Variants in PLCE1 observed in about 807,000 individuals in gnomAD.
PLCE1 encodes 1-phosphatidylinositol 4,5-bisphosphate phosphodiesterase epsilon-1.
Under a neutral mutation model 242.8 loss-of-function variants are expected in PLCE1, and 119 were observed. The observed-to-expected ratio is 0.49, with a 90% CI of 0.42 to 0.57. PLCE1 has a LOEUF of 0.57. Ranked by LOEUF, PLCE1 falls within the 20% of genes least tolerant of loss-of-function variation. The probability of loss-of-function intolerance (pLI) is 0.00; values close to 1 mark genes in which losing one functional copy is unlikely to be tolerated. For missense variants in PLCE1, 2,441 were observed against 2,788.8 expected (o/e 0.88, Z 2.81); for synonymous variants, 945 against 1,017.4 (o/e 0.93, Z 1.35).
intron 4 of PLCE1, among the ~76,000 whole-genome samples, chr10:94,225,622 T>G (rs2049913019): frequency 6.6e-6 from 1 of 152,106 alleles, no homozygotes; most frequent in Non-Finnish European, 1.5e-5. Flanking sequence ...CGAAGCAAGA[T>G]TCTGTCTAAA....
chr10:94,030,370 T>A (rs1173822419), intron 1 of PLCE1, among the ~76,000 whole-genome samples: 4 of 152,092 alleles, frequency 2.6e-5, no homozygotes, highest in Non-Finnish European at 5.9e-5. Context: ...CACTTCTTTT[T>A]TTTTTCTTCT....
rs967009961 is a variant in PLCE1 at position 94,298,300 on chromosome 10, G to A, written c.5168-79G>A. The A allele has an allele frequency of 1.3e-5, 16 of 1,278,382 alleles. No homozygotes were observed. The Admixed American group carries it at 1.4e-4, about 11-fold the overall frequency. The allele number at this position is 1,278,382 out of a possible 1,614,324, so 79.2% of individuals were successfully genotyped here. ...GTTTATATGCTATGACTGTTTACTG[G>A]GATGTTGTTCAGGTTTATCTTTCTA... is the stretch of plus-strand genomic sequence containing the variant. On this transcript the variant is annotated intron_variant, in intron 23 of 32. Transcript: ENST00000371380. The surrounding 1 kb of genome is among the most constrained non-coding windows in gnomAD (Gnocchi z 5.2).
intron 4 of PLCE1, among the ~76,000 whole-genome samples, chr10:94,218,663 C>T (rs967692712): frequency 9.9e-5 from 15 of 151,900 alleles, no homozygotes; most frequent in Non-Finnish European, 1.2e-4. Context: ...ACTGCTCCCA[C>T]CCTCATGCCT....
intron 8 of PLCE1, among the ~76,000 whole-genome samples, chr10:94,247,803 A>G (rs1589415539): frequency 6.6e-6 from 1 of 152,334 alleles, no homozygotes; most frequent in South Asian, 2.1e-4. Flanking sequence ...GCGTGGCAAC[A>G]GGGCTGGGCT....
intron 3 of PLCE1, among the ~76,000 whole-genome samples, chr10:94,142,249 G>A (rs1222625736): frequency 6.6e-6 from 1 of 151,692 alleles, no homozygotes; most frequent in African/African-American, 2.4e-5. Context: ...AGGCCAGGTG[G>A]CTCATGCCTG....
intron 1 of PLCE1, among the ~76,000 whole-genome samples, chr10:94,003,801 A>AACACCATTTT (rs1778155158): frequency 6.6e-6 from 1 of 152,176 alleles, no homozygotes; most frequent in Admixed American, 6.5e-5. Flanking sequence ...GTGTTAAATC[A>AACACCATTTT]AGGGTAGCCT....
chr10:94,146,656 G>A (rs1306603501), intron 3 of PLCE1, among the ~76,000 whole-genome samples: 7 of 152,306 alleles, frequency 4.6e-5, no homozygotes, highest in Non-Finnish European at 7.3e-5. Context: ...CTCACTGGAC[G>A]CCTTTCAGAG....
At chr10:94,282,278 A>G (rs778741442) in intron 20 of PLCE1, among the ~76,000 whole-genome samples, 13 of 151,878 alleles carry the variant, frequency 8.6e-5, no homozygotes, top group Non-Finnish European at 1.5e-4. Context: ...AATTATTGCA[A>G]GAAAACGCTA....
intron 2 of PLCE1, among the ~76,000 whole-genome samples, chr10:94,121,890 C>T (rs1269344346): frequency 6.6e-6 from 1 of 152,130 alleles, no homozygotes; most frequent in African/African-American, 2.4e-5. Flanking sequence ...AAGCAATGAC[C>T]AAGGCCCTGG....
intron 2 of PLCE1, among the ~76,000 whole-genome samples, chr10:94,079,387 A>G (rs1187391669): frequency 1.3e-5 from 2 of 152,120 alleles, no homozygotes; most frequent in African/African-American, 2.4e-5. Context: ...TTTTGGTTTA[A>G]TCCCAAGATG....
intron 1 of PLCE1, among the ~76,000 whole-genome samples, chr10:93,999,476 C>G (rs1259571477): frequency 6.6e-6 from 1 of 152,178 alleles, no homozygotes; most frequent in African/African-American, 2.4e-5. Flanking sequence ...GAGTCTGACA[C>G]TATCAGCCAC....
chr10:94,218,430 T>C (rs567230199), intron 4 of PLCE1, among the ~76,000 whole-genome samples: 4 of 152,296 alleles, frequency 2.6e-5, no homozygotes, highest in African/African-American at 9.6e-5. Context: ...TTCTTTCTCT[T>C]AGGTCTGCAT....
intron 9 of PLCE1, 74 bp downstream of exon 9, chr10:94,252,572 C>A: frequency 7.7e-7 from 1 of 1,292,998 alleles, no homozygotes; most frequent in Non-Finnish European, 1.1e-6. Context: ...CACCATAAAA[C>A]ACTTAAGGTT....
chr10:94,195,352 G>T (rs1229584937), intron 4 of PLCE1, among the ~76,000 whole-genome samples: 1 of 152,078 alleles, frequency 6.6e-6, no homozygotes, highest in Non-Finnish European at 1.5e-5. Flanking sequence ...CCAGTTCTAG[G>T]AGTTTGTGAT....
At chr10:94,102,673 C>A (rs2045581370) in intron 2 of PLCE1, among the ~76,000 whole-genome samples, 1 of 152,208 alleles carries the variant, frequency 6.6e-6, no homozygotes, top group Non-Finnish European at 1.5e-5. Context: ...GAACTCATGC[C>A]AGCGCCTCTC....
In PLCE1 at chr10:94,283,807, A is replaced by G. The variant is rs1207616254; in HGVS notation, c.4813A>G (p.Arg1605Gly). The change falls in exon 21 of 33, where the codon AGA (arginine) becomes GGA (glycine). Residue 1605 changes from arginine (R) to glycine (G), a missense_variant. Around this residue, in one of 5 missense-constraint regions of PLCE1, gnomAD observed 1,004 missense variants for 1,322.7 expected, o/e 0.76. Transcript: ENST00000371380. ...ATTTTCAGACAACATTCTGGAAGAC[A>G]GACCTGAAAATAAATCATGTAATGA... Reference protein sequence around the residue: ...SLSDDNILEDRPENKSCNDKL... With the variant: ...SLSDDNILEDGPENKSCNDKL... 4 of 1,611,940 alleles carry G rather than the reference A, an allele frequency of 2.5e-6. No homozygotes were observed. Among genetic ancestry groups the G allele is most frequent in the Non-Finnish European group, 3.4e-6 (4 of 1,178,500 alleles).
At chr10:94,287,034 T>C (rs1439506918) in intron 22 of PLCE1, 1 of 152,210 alleles carries the variant, frequency 6.6e-6, no homozygotes, top group Non-Finnish European at 1.5e-5. Context: ...CCCAAAGATA[T>C]TTGAAGTCTG....
rs1480977886 is a variant in PLCE1, at chr10:94,062,706, G to C, written c.1206+30454G>C. On this transcript the variant is annotated intron_variant, in intron 2 of 32. Coordinates refer to ENST00000371380, the MANE Select transcript of PLCE1 (RefSeq NM_016341.4). ...TGGGGGCTTATCTCCACCTTCAGTT[G>C]CTGGAAGATTGTTCCCAGATTTGTA... 2.7e-5 allele frequency among the ~76,000 whole-genome samples: 4 copies of C among 150,588 alleles called. No individual in the cohort carries two copies. In the East Asian group the frequency reaches 7.9e-4, roughly 30 times the overall value.
intron 3 of PLCE1, among the ~76,000 whole-genome samples, chr10:94,145,117 C>G (rs577141715): frequency 6.6e-6 from 1 of 152,354 alleles, no homozygotes; most frequent in East Asian, 1.9e-4. Context: ...TTCCAGCCCT[C>G]ATTGTACCCC....
Sources: allele counts gnomAD v4.1 joint callset (sites outside exome capture counted in the v4.1 genomes callset), GRCh38; gene constraint gnomAD v4.1.1; regional missense constraint gnomAD v4.1.1; non-coding constraint Gnocchi (gnomAD v3.1); transcripts MANE v1.5; gene names NCBI Gene and HGNC (gene_info 2026-07-23, HGNC 2026-07-21).